MGAT4C: variants seen among roughly 807,000 people sequenced by gnomAD.
MGAT4C encodes the protein alpha-1,3-mannosyl-glycoprotein 4-beta-N-acetylglucosaminyltransferase C.
In MGAT4C, 19 loss-of-function variants were observed where a neutral mutation model predicts 40.1. The observed-to-expected ratio is 0.47, with a 90% CI of 0.33 to 0.70. MGAT4C has a LOEUF of 0.70. Among genes scored for constraint, MGAT4C ranks in the 30% least tolerant of loss-of-function variants. The pLI is 0.02. For synonymous variants in MGAT4C, 181 were observed against 187.1 expected (o/e 0.97, Z 0.27); for missense variants, 491 against 563.2 (o/e 0.87, Z 1.30).
At chr12:86,130,964 ACT>A (rs1392688738) in intron 1 of MGAT4C, among the ~76,000 whole-genome samples, 2 of 151,990 alleles carry the variant, frequency 1.3e-5, no homozygotes, top group Non-Finnish European at 2.9e-5. Context: ...TATAATGTTG[ACT>A]ACCTTTGCTG....
intron 1 of MGAT4C, among the ~76,000 whole-genome samples, chr12:86,115,196 T>C (rs556979669): frequency 6.6e-6 from 1 of 151,986 alleles, no homozygotes; most frequent in Non-Finnish European, 1.5e-5. Flanking sequence ...TGTTAATGAA[T>C]ATATTTAAAA....
intron 2 of MGAT4C, among the ~76,000 whole-genome samples, chr12:86,483,057 T>C (rs769084968): frequency 9.9e-5 from 15 of 152,192 alleles, no homozygotes; most frequent in Non-Finnish European, 2.1e-4. Context: ...ACTACAGAAA[T>C]TTATTTCTCA....
chr12:86,795,175 A>G (rs1593214528), intron 1 of MGAT4C, among the ~76,000 whole-genome samples: 1 of 151,970 alleles, frequency 6.6e-6, no homozygotes, highest in African/African-American at 2.4e-5. Flanking sequence ...ATTATTTTCT[A>G]CTAGAAACTC....
At chr12:86,609,021 A>T (rs887582497) in intron 2 of MGAT4C, among the ~76,000 whole-genome samples, 4 of 152,182 alleles carry the variant, frequency 2.6e-5, no homozygotes, top group Admixed American at 6.6e-5. Flanking sequence ...TAAAACTAAG[A>T]TATTTTGACA....
intron 2 of MGAT4C, among the ~76,000 whole-genome samples, chr12:86,653,765 G>GAT (rs111628561): frequency 0.12 from 17,955 of 150,896 alleles, 1,729 homozygotes; most frequent in African/African-American, 0.27. Context: ...TTCTATTCAG[G>GAT]ATATATATAT....
chr12:86,217,792 C>T (rs1012526558), intron 1 of MGAT4C, among the ~76,000 whole-genome samples: 3 of 151,594 alleles, frequency 2.0e-5, no homozygotes, highest in South Asian at 2.1e-4. Flanking sequence ...TTTTAGTTAA[C>T]GAAAAAGAAA....
At chr12:86,702,062 G>A (rs192845901) in intron 2 of MGAT4C, among the ~76,000 whole-genome samples, 8 of 152,058 alleles carry the variant, frequency 5.3e-5, no homozygotes, top group East Asian at 1.9e-4. Flanking sequence ...TTTCTCTTTC[G>A]CACAGGGAAG....
Position 86,777,688 on chromosome 12 carries a change from C to A in MGAT4C, c.-261-50447G>T, listed in dbSNP as rs543813287. Among the ~76,000 whole-genome samples the A allele has an allele frequency of 2.0e-5, 3 of 152,252 alleles. No individual in the cohort carries two copies. In the East Asian group the frequency reaches 5.8e-4, roughly 29 times the overall value. On this transcript the variant is annotated intron_variant, in intron 1 of 7. Coordinates refer to the MGAT4C transcript ENST00000548651. ...TGAAATATATAGTGAAGGAAACATG[C>A]ATTTCAGCCCAGGAGGACATACAAG... is the stretch of plus-strand genomic sequence containing the variant.
At chr12:86,117,690 G>A (rs991280225) in intron 1 of MGAT4C, among the ~76,000 whole-genome samples, 3 of 152,152 alleles carry the variant, frequency 2.0e-5, no homozygotes, top group African/African-American at 7.2e-5. Flanking sequence ...TTGAGAAGGA[G>A]AGAGTGGCTG....
intron 2 of MGAT4C, among the ~76,000 whole-genome samples, chr12:86,648,774 G>C (rs1455673804): frequency 6.6e-6 from 1 of 151,808 alleles, no homozygotes; most frequent in Non-Finnish European, 1.5e-5. Context: ...ATCTAATTAT[G>C]ATCATATTGT....
chr12:86,293,036 A>C (rs756251685), intron 4 of MGAT4C, among the ~76,000 whole-genome samples: 8 of 152,200 alleles, frequency 5.3e-5, no homozygotes, highest in Non-Finnish European at 1.0e-4. Flanking sequence ...GACAAAGAGA[A>C]TATTCTAAAA....
At chr12:86,673,118 A>C (rs1964301769) in intron 2 of MGAT4C, among the ~76,000 whole-genome samples, 1 of 152,148 alleles carries the variant, frequency 6.6e-6, no homozygotes, top group Non-Finnish European at 1.5e-5. Flanking sequence ...TAATTTTAAA[A>C]ATTACGTTCA....
At chr12:86,519,683 A>G (rs1294156880) in intron 2 of MGAT4C, among the ~76,000 whole-genome samples, 2 of 152,132 alleles carry the variant, frequency 1.3e-5, no homozygotes, top group East Asian at 1.9e-4. Flanking sequence ...TAACTTACCT[A>G]TTGGCCATTT....
intron 3 of MGAT4C, among the ~76,000 whole-genome samples, chr12:86,433,052 A>G (rs1241864793): frequency 6.6e-6 from 1 of 152,054 alleles, no homozygotes; most frequent in Non-Finnish European, 1.5e-5. Context: ...GACAGTAGAA[A>G]AAAGCAGTGT....
At chr12:86,610,138 T>C (rs1762769485) in intron 2 of MGAT4C, among the ~76,000 whole-genome samples, 1 of 152,158 alleles carries the variant, frequency 6.6e-6, no homozygotes, top group Non-Finnish European at 1.5e-5. Flanking sequence ...AAGGGATATA[T>C]AATAAAGAAC....
At chr12:86,323,530 A>T (rs1466504243) in intron 4 of MGAT4C, among the ~76,000 whole-genome samples, 1 of 151,822 alleles carries the variant, frequency 6.6e-6, no homozygotes, top group African/African-American at 2.4e-5. Flanking sequence ...ATGTAAAAAG[A>T]TAATAATACA....
chr12:86,303,015 C>G (rs565087870), intron 4 of MGAT4C, among the ~76,000 whole-genome samples: 5 of 150,778 alleles, frequency 3.3e-5, no homozygotes, highest in Non-Finnish European at 7.4e-5. Context: ...TCCACCAGCT[C>G]AGAATAGAAC....
intron 1 of MGAT4C, among the ~76,000 whole-genome samples, chr12:86,093,332 T>C (rs1873226822): frequency 6.6e-6 from 1 of 152,154 alleles, no homozygotes; most frequent in Admixed American, 6.6e-5. Flanking sequence ...TGATTCTGCA[T>C]AAGCAACTTT....
chr12:86,559,398 T>G (rs1294747084), intron 2 of MGAT4C, among the ~76,000 whole-genome samples: 1 of 152,040 alleles, frequency 6.6e-6, no homozygotes, highest in Non-Finnish European at 1.5e-5. Context: ...TTCTCTAGGA[T>G]AGACCACATA....
Sources: allele counts gnomAD v4.1 joint callset (sites outside exome capture counted in the v4.1 genomes callset), GRCh38; gene constraint gnomAD v4.1.1; transcripts MANE v1.5; gene names NCBI Gene and HGNC (gene_info 2026-07-23, HGNC 2026-07-21).